Variants in NXPE4 observed in about 807,000 individuals in gnomAD.
NXPE4 encodes NXPE family member 4.
Under a neutral mutation model 33.3 loss-of-function variants are expected in NXPE4, and 42 were observed. The observed-to-expected ratio is 1.26, with a 90% CI of 0.98 to 1.63. The LOEUF is 1.63. Among genes scored for constraint, NXPE4 ranks in the 40% most tolerant of loss-of-function variants. The pLI, the probability that NXPE4 is intolerant of heterozygous loss-of-function variation, is 0.00. For missense variants in NXPE4, 709 were observed against 647.6 expected (o/e 1.09, Z -1.03); for synonymous variants, 253 against 234.9 (o/e 1.08, Z -0.71).
chr11:114,624,998 C>T, the NXPE4 span, among the ~76,000 whole-genome samples: 3 of 151,754 alleles, frequency 2.0e-5, no homozygotes, highest in East Asian at 5.8e-4. Context: ...CGTGAGTAAC[C>T]ACTGTTACCT....
chr11:114,597,075 T>C (rs571110097), upstream of NXPE4, among the ~76,000 whole-genome samples: 174 of 150,976 alleles, frequency 1.2e-3, 3 homozygotes, highest in Middle Eastern at 3.4e-3. Flanking sequence ...TATCTTGAAG[T>C]CTTTATACCA....
the NXPE4 span, among the ~76,000 whole-genome samples, chr11:114,625,217 C>T: frequency 3.3e-5 from 5 of 152,140 alleles, no homozygotes; most frequent in Admixed American, 3.3e-4. Context: ...CCACTGTTAC[C>T]TGTTGGATAA....
chr11:114,636,560 G>T, the NXPE4 span, among the ~76,000 whole-genome samples: 1 of 151,618 alleles, frequency 6.6e-6, no homozygotes, highest in South Asian at 2.1e-4. Context: ...ATGTTAGGGT[G>T]TCAATTTTGG....
the NXPE4 span, among the ~76,000 whole-genome samples, chr11:114,655,318 C>A: frequency 6.6e-6 from 1 of 152,138 alleles, no homozygotes; most frequent in South Asian, 2.1e-4. Flanking sequence ...TGCAAAAACT[C>A]TTTAGTTTAA....
chr11:114,632,758 CATATATTATATAATTATATATT>C, the NXPE4 span, among the ~76,000 whole-genome samples: 1 of 4,010 alleles, frequency 2.5e-4, no homozygotes, highest in Non-Finnish European at 4.2e-4. Flanking sequence ...TATAATATAT[CATATATTATATAATTATATATT>C]ATATATTATA....
chr11:114,633,090 G>A, the NXPE4 span, among the ~76,000 whole-genome samples: 5 of 111,246 alleles, frequency 4.5e-5, no homozygotes, highest in Admixed American at 1.1e-4. Context: ...TATCTTTTAT[G>A]TATTTTATAT....
At chr11:114,616,719 A>AC in the NXPE4 span, among the ~76,000 whole-genome samples, 1 of 151,692 alleles carries the variant, frequency 6.6e-6, no homozygotes, top group Non-Finnish European at 1.5e-5. Context: ...CCCAGTGTAT[A>AC]ATAAGTGTTG....
chr11:114,594,502 C>T lies in NXPE4; in HGVS notation c.96+162G>A, dbSNP rs111804274. ...TGAACACACACACAGTATTTATCCT[C>T]TCACATATTGCTTAATGATTATCAG... On this transcript the variant is annotated intron_variant, in intron 2 of 5. Transcript: ENST00000375478. Among the ~76,000 whole-genome samples, 213 of 152,260 alleles carry T rather than the reference C, an allele frequency of 1.4e-3. 2 individuals are homozygous for T. In the East Asian group the frequency reaches 0.024, roughly 18 times the overall value.
At chr11:114,622,645 G>A in the NXPE4 span, among the ~76,000 whole-genome samples, 11 of 152,014 alleles carry the variant, frequency 7.2e-5, no homozygotes, top group South Asian at 2.1e-4. Context: ...GTGTTGCCTC[G>A]TGGGTAACCA....
At chr11:114,581,352 TGGTGATGGGCTAGTGGTGATATGGGAAGA>T (rs781127105) in intron 4 of NXPE4, among the ~76,000 whole-genome samples, 23 of 152,236 alleles carry the variant, frequency 1.5e-4, no homozygotes, top group Non-Finnish European at 2.9e-4. Flanking sequence ...AACCTCTAGA[TGGTGATGGGCTAGTGGTGATATGGGAAGA>T]GGTGATGGGA....
the NXPE4 span, among the ~76,000 whole-genome samples, chr11:114,632,893 TTTTATGTA>T: frequency 1.2e-5 from 1 of 85,036 alleles, no homozygotes; most frequent in Non-Finnish European, 2.0e-5. Flanking sequence ...TATTATATAA[TTTTATGTA>T]ATACAATATT....
At chr11:114,576,837 G>A (rs1949003664) in intron 5 of NXPE4, among the ~76,000 whole-genome samples, 1 of 151,540 alleles carries the variant, frequency 6.6e-6, no homozygotes, top group African/African-American at 2.4e-5. Flanking sequence ...CTGCTTCTTG[G>A]TATCTACCCA....
At chr11:114,626,872 G>T in the NXPE4 span, among the ~76,000 whole-genome samples, 9 of 152,260 alleles carry the variant, frequency 5.9e-5, no homozygotes, top group Non-Finnish European at 1.3e-4. Flanking sequence ...CGTGAAGAAT[G>T]CAGAAGCCTC....
At chr11:114,658,451 T>G in the NXPE4 span, among the ~76,000 whole-genome samples, 261 of 152,212 alleles carry the variant, frequency 1.7e-3, no homozygotes, top group African/African-American at 5.9e-3. Context: ...TGGGCACTCA[T>G]GAGAAAGATG....
At chr11:114,609,634 A>G in the NXPE4 span, among the ~76,000 whole-genome samples, 1 of 151,338 alleles carries the variant, frequency 6.6e-6, no homozygotes, top group Non-Finnish European at 1.5e-5. Context: ...CCGATGGATA[A>G]TAAGTGTGGC....
chr11:114,639,945 CATA>C, the NXPE4 span, among the ~76,000 whole-genome samples: 1 of 102,334 alleles, frequency 9.8e-6, no homozygotes, highest in African/African-American at 4.2e-5. Flanking sequence ...TTAAATATAA[CATA>C]ATAGTTTGTA....
the NXPE4 span, among the ~76,000 whole-genome samples, chr11:114,604,018 C>T: frequency 1.1e-4 from 16 of 151,844 alleles, no homozygotes; most frequent in South Asian, 8.3e-4. Context: ...ACTACCATTA[C>T]GTGGTGGATA....
the NXPE4 span, among the ~76,000 whole-genome samples, chr11:114,631,227 T>C: frequency 2.0e-5 from 3 of 151,862 alleles, no homozygotes; most frequent in Admixed American, 6.6e-5. Flanking sequence ...TGCACACATA[T>C]GTTTATTGCG....
the NXPE4 span, among the ~76,000 whole-genome samples, chr11:114,639,230 G>A: frequency 1.3e-5 from 2 of 151,266 alleles, no homozygotes; most frequent in South Asian, 2.1e-4. Flanking sequence ...ACTGCTGTGC[G>A]AGCAATCAGC....
Sources: allele counts gnomAD v4.1 joint callset (sites outside exome capture counted in the v4.1 genomes callset), GRCh38; gene constraint gnomAD v4.1.1; transcripts MANE v1.5; gene names NCBI Gene and HGNC (gene_info 2026-07-23, HGNC 2026-07-21).